SRFBP1: variants seen among roughly 807,000 people sequenced by gnomAD.
The protein encoded by SRFBP1 is serum response factor-binding protein 1.
Under a neutral mutation model 45.5 loss-of-function variants are expected in SRFBP1, and 47 were observed. That is an observed-to-expected ratio of 1.03 (90% CI 0.82 to 1.32). The LOEUF (loss-of-function observed/expected upper bound fraction) is 1.32. Among genes scored for constraint, SRFBP1 ranks in the 40% most tolerant of loss-of-function variants. SRFBP1 has a pLI of 0.00. For missense variants in SRFBP1, 621 were observed against 484.6 expected, an observed-to-expected ratio of 1.28 and a Z score of -2.64; for synonymous variants, 203 against 166.3, an observed-to-expected ratio of 1.22 and a Z score of -1.70.
intron 3 of SRFBP1, among the ~76,000 whole-genome samples, chr5:121,993,414 C>G (rs1333897105): frequency 1.3e-5 from 2 of 152,072 alleles, no homozygotes; most frequent in Non-Finnish European, 2.9e-5. Flanking sequence ...CATCACAAAC[C>G]ATGAAATATA....
intron 2 of SRFBP1, among the ~76,000 whole-genome samples, chr5:122,069,092 T>C (rs10040971): frequency 0.099 from 15,014 of 152,132 alleles, 947 homozygotes; most frequent in South Asian, 0.14. Flanking sequence ...CTATCTCTAA[T>C]GTTGTGACAA....
At chr5:121,972,213 T>G (rs1296927249) in intron 1 of SRFBP1, among the ~76,000 whole-genome samples, 2 of 151,972 alleles carry the variant, frequency 1.3e-5, no homozygotes, top group African/African-American at 4.8e-5. Context: ...AAAAGACAGT[T>G]AAAAGATAAA....
chr5:122,074,169 T>C (rs1313627842), intron 2 of SRFBP1: 1 of 1,610,338 alleles, frequency 6.2e-7, no homozygotes, highest in Non-Finnish European at 8.5e-7. Context: ...TGTGGTAATG[T>C]CTGATGTCCC....
intron 3 of SRFBP1, among the ~76,000 whole-genome samples, chr5:121,987,944 A>G (rs886206570): frequency 1.3e-5 from 2 of 152,116 alleles, no homozygotes; most frequent in East Asian, 1.9e-4. Flanking sequence ...GGTTGTTCAA[A>G]CAAAGTCCCT....
intron 3 of SRFBP1, among the ~76,000 whole-genome samples, chr5:121,976,008 C>G (rs979207374): frequency 1.3e-5 from 2 of 151,752 alleles, no homozygotes; most frequent in African/African-American, 2.4e-5. Flanking sequence ...TACTGTAGAA[C>G]TTAAAAACAA....
In SRFBP1 at chr5:121,985,288, CTTTAA is replaced by C. The variant is rs771850735; in HGVS notation, c.199-9307_199-9303del. ...ACTTTACAAATTATAGGGTGAAAAA[CTTTAA>C]TTTGTATTGCTTCATTGTTTTGTTT... On this transcript the variant is annotated intron_variant, in intron 3 of 7. Coordinates refer to ENST00000339397, the MANE Select transcript of SRFBP1 (RefSeq NM_152546.3). 2.6e-5 allele frequency among the ~76,000 whole-genome samples: 4 copies of C among 151,340 alleles called. No homozygotes were observed. The East Asian group carries it at 5.8e-4, about 22-fold the overall frequency.
chr5:122,056,042 T>C (rs1754071935), intron 2 of SRFBP1, among the ~76,000 whole-genome samples: 1 of 152,200 alleles, frequency 6.6e-6, no homozygotes, highest in Admixed American at 6.5e-5. Flanking sequence ...AACAGGTTTC[T>C]CATAGGTGAA....
At chr5:122,077,272 C>G, downstream of SRFBP1, 1 of 1,579,672 alleles carries the variant, frequency 6.3e-7, no homozygotes, top group Non-Finnish European at 8.6e-7. The surrounding 1 kb of genome is among the most constrained non-coding windows in gnomAD (Gnocchi z 4.9). Context: ...CCGGGGCCCG[C>G]CGCGCCCAGG....
At chr5:122,067,887 A>G (rs1005122620) in intron 2 of SRFBP1, among the ~76,000 whole-genome samples, 5 of 152,040 alleles carry the variant, frequency 3.3e-5, no homozygotes, top group Non-Finnish European at 7.4e-5. Context: ...GTCACTCCTG[A>G]AACTCAGCCC....
At chr5:121,967,496 A>G (rs1752096383) in intron 1 of SRFBP1, among the ~76,000 whole-genome samples, 1 of 152,222 alleles carries the variant, frequency 6.6e-6, no homozygotes. Flanking sequence ...TAAAATCAAC[A>G]ATAAGTTATC....
In SRFBP1 at chr5:122,020,233, T is replaced by A; in HGVS notation, c.498T>A (p.Ser166Arg). Residue 166 changes from serine to arginine, a missense_variant, in exon 6 of 8, where the codon AGT becomes AGA. Coordinates refer to ENST00000339397, the MANE Select transcript of SRFBP1 (RefSeq NM_152546.3). The part of the protein sequence containing the change: ...SNLQREATVI[S>R]EQKVKETKIL... ...TACAGCGTGAAGCAACTGTCATCAG[T>A]GAGCAAAAAGTCAAAGAAACCAAAA... The A allele has an allele frequency of 6.2e-7, 1 of 1,613,040 alleles. No homozygotes were observed. Among genetic ancestry groups the A allele is most frequent in the Non-Finnish European group, 8.5e-7 (1 of 1,179,732 alleles).
chr5:121,968,971 A>G (rs1399150889), intron 1 of SRFBP1, among the ~76,000 whole-genome samples: 5 of 152,202 alleles, frequency 3.3e-5, no homozygotes, highest in African/African-American at 1.2e-4. Context: ...ACTCAAAAAC[A>G]TGGTAAAGTT....
intron 2 of SRFBP1, among the ~76,000 whole-genome samples, chr5:122,056,285 T>G (rs1400724876): frequency 6.6e-6 from 1 of 151,532 alleles, no homozygotes; most frequent in Non-Finnish European, 1.5e-5. Flanking sequence ...ATGAACTTAC[T>G]TAGGGTAGAA....
At chr5:121,973,271 G>C (rs1752237067) in intron 1 of SRFBP1, among the ~76,000 whole-genome samples, 1 of 151,784 alleles carries the variant, frequency 6.6e-6, no homozygotes, top group African/African-American at 2.4e-5. Flanking sequence ...TCTGTATAGT[G>C]GGGACCCCAG....
At chr5:121,974,406 T>A in intron 2 of SRFBP1, 122 bp downstream of exon 2, 1 of 653,816 alleles carries the variant, frequency 1.5e-6, no homozygotes, top group Non-Finnish European at 2.7e-6. Context: ...ACACCATTTT[T>A]GTTTTGTATG....
chr5:121,985,069 G>A (rs888036587), intron 3 of SRFBP1, among the ~76,000 whole-genome samples: 1 of 151,756 alleles, frequency 6.6e-6, no homozygotes, highest in African/African-American at 2.4e-5. Flanking sequence ...GCCATGTTTG[G>A]CTAGTTTATA....
chr5:122,077,869 C>A, downstream of SRFBP1: 1 of 1,535,280 alleles, frequency 6.5e-7, no homozygotes, highest in Non-Finnish European at 8.7e-7. The surrounding 1 kb of genome is among the most constrained non-coding windows in gnomAD (Gnocchi z 4.9). Flanking sequence ...GCCAGGCGCC[C>A]GGAGCCGCCG....
At chr5:122,029,414 G>A (rs1378665352), downstream of SRFBP1, among the ~76,000 whole-genome samples, 22 of 152,086 alleles carry the variant, frequency 1.4e-4, no homozygotes, top group Admixed American at 1.4e-3. Flanking sequence ...CCTTTCTAGT[G>A]TTTAGTTTTT....
At position 121,961,987 on chromosome 5, in the gene SRFBP1, A is replaced by C. The variant is rs891107236; in HGVS notation, c.-46A>C. ...TGGCGACGCAGCCGCGGTCTGAGAG[A>C]CCGGTTCACGTGCAGGCAGCGGCGG... is the stretch of plus-strand genomic sequence containing the variant. On this transcript the variant is annotated 5_prime_UTR_variant, in exon 1 of 8. Transcript: ENST00000339397. The C allele has an allele frequency of 1.4e-5, 23 of 1,613,214 alleles. No individual in the cohort carries two copies. Among genetic ancestry groups the C allele is most frequent in the East Asian group, 1.3e-4 (6 of 44,864 alleles).
Sources: allele counts gnomAD v4.1 joint callset (sites outside exome capture counted in the v4.1 genomes callset), GRCh38; gene constraint gnomAD v4.1.1; non-coding constraint Gnocchi (gnomAD v3.1); transcripts MANE v1.5; gene names NCBI Gene and HGNC (gene_info 2026-07-23, HGNC 2026-07-21).